The following BNC2 variants were observed in gnomAD, a reference collection of about 807,000 sequenced individuals.
The protein encoded by BNC2 is basonuclin zinc finger protein 2, also known as zinc finger protein basonuclin-2.
In BNC2, 20 loss-of-function variants were observed where a neutral mutation model predicts 76.3. That is an observed-to-expected ratio of 0.26 (90% CI 0.18 to 0.38). The LOEUF is 0.38. Ranked by LOEUF, BNC2 falls within the 10% of genes least tolerant of loss-of-function variation. BNC2 has a pLI of 1.00. For synonymous variants in BNC2, 582 were observed against 514.8 expected (o/e 1.13, Z -1.77); for missense variants, 1,382 against 1,399.8 (o/e 0.99, Z 0.20).
intron 5 of BNC2, among the ~76,000 whole-genome samples, chr9:16,447,832 C>G (rs537796989): frequency 6.4e-4 from 98 of 152,174 alleles, no homozygotes; most frequent in African/African-American, 2.1e-3. Flanking sequence ...AAACAAATAT[C>G]GGTAGTCTTT....
rs959723311 is a variant in BNC2 at position 16,429,649 on chromosome 9, T to C, written c.2639+5906A>G. On this transcript the variant is annotated intron_variant, in intron 6 of 6. Coordinates refer to ENST00000380672, the MANE Select transcript of BNC2 (RefSeq NM_017637.6). The stretch of plus-strand genomic sequence containing the variant: ...ATAAGGAAGGTAAAAATAAGAGTTA[T>C]ATAGAAGCATTGTATTTGTGCAACA... 7.2e-5 allele frequency: 18 copies of C among 248,970 alleles called. No individual in the cohort carries two copies. In the East Asian group the frequency reaches 1.5e-3, roughly 20 times the overall value. The allele number at this position is 248,970 out of a possible 1,614,324, so 15.4% of individuals were successfully genotyped here.
intron 1 of BNC2, among the ~76,000 whole-genome samples, chr9:16,855,483 C>A (rs1200253686): frequency 6.6e-6 from 1 of 152,234 alleles, no homozygotes; most frequent in Non-Finnish European, 1.5e-5. Flanking sequence ...TTAGAAGTCC[C>A]ATGCCTACGC....
intron 3 of BNC2, among the ~76,000 whole-genome samples, chr9:16,705,644 A>C (rs1823646248): frequency 1.4e-5 from 2 of 138,572 alleles, no homozygotes; most frequent in South Asian, 2.3e-4. Flanking sequence ...GTTGTATGAT[A>C]GTGTGGCTTG....
Position 16,773,580 on chromosome 9 carries a change from TA to T in BNC2, c.4-35096del, listed in dbSNP as rs553151304. 3.8e-4 allele frequency among the ~76,000 whole-genome samples: 57 copies of T among 151,228 alleles called. 2 individuals carry two copies. In the East Asian group the frequency reaches 0.011, roughly 29 times the overall value. ...TTTTAAAATGGTCCAAAAGACTTCC[TA>T]AAAAGATGTGAAATTCCAACTCACA... On this transcript the variant is annotated intron_variant, in intron 1 of 6. Coordinates refer to ENST00000380672, the MANE Select transcript of BNC2 (RefSeq NM_017637.6).
intron 1 of BNC2, among the ~76,000 whole-genome samples, chr9:16,801,757 G>A (rs1267553958): frequency 2.1e-5 from 3 of 141,064 alleles, no homozygotes; most frequent in African/African-American, 5.5e-5. Context: ...CACACACACA[G>A]AAAAAATAAA....
intron 1 of BNC2, among the ~76,000 whole-genome samples, chr9:16,773,809 C>G (rs967871518): frequency 3.9e-5 from 6 of 152,266 alleles, no homozygotes; most frequent in East Asian, 1.9e-4. Flanking sequence ...TCTACAAAAG[C>G]CTTTTTCCCT....
chr9:16,652,678 C>T (rs916391051), intron 3 of BNC2, among the ~76,000 whole-genome samples: 18 of 152,260 alleles, frequency 1.2e-4, no homozygotes, highest in African/African-American at 4.1e-4. Context: ...ATCAGTGTGC[C>T]TCATATTTTC....
intron 1 of BNC2, among the ~76,000 whole-genome samples, chr9:16,847,650 A>C (rs1819021494): frequency 6.6e-6 from 1 of 152,200 alleles, no homozygotes; most frequent in Non-Finnish European, 1.5e-5. Context: ...AGATATATCA[A>C]GATATCCCCA....
chr9:16,693,748 G>T (rs1374596637), intron 3 of BNC2, among the ~76,000 whole-genome samples: 2 of 152,214 alleles, frequency 1.3e-5, no homozygotes, highest in African/African-American at 4.8e-5. Flanking sequence ...AAGGAAGCCA[G>T]GAAAGGAAAA....
intron 6 of BNC2, among the ~76,000 whole-genome samples, chr9:16,427,785 C>A (rs1177219135): frequency 6.6e-6 from 1 of 152,156 alleles, no homozygotes; most frequent in Non-Finnish European, 1.5e-5. Context: ...ACAGGGTAAA[C>A]AGCATCTTTA....
chr9:16,751,800 C>A lies in BNC2; in HGVS notation c.4-13315G>T, dbSNP rs537000389. Among the ~76,000 whole-genome samples, 5 of 152,016 alleles carry A rather than the reference C, an allele frequency of 3.3e-5. No homozygotes were observed. In the East Asian group the frequency reaches 9.7e-4, roughly 29 times the overall value. On this transcript the variant is annotated intron_variant, in intron 1 of 6. Transcript: ENST00000380672. ...AATCTCAGCACTTTGGAGGCCGAGG[C>A]AGTTTTATCACTTGAGGTCAGGAGT...
chr9:16,440,032 G>C (rs1009061743), intron 5 of BNC2, among the ~76,000 whole-genome samples: 1 of 152,196 alleles, frequency 6.6e-6, no homozygotes, highest in African/African-American at 2.4e-5. Flanking sequence ...TTCACATTCT[G>C]CTTTTGGAAC....
At chr9:16,533,105 AAG>A (rs1395112763) in intron 5 of BNC2, among the ~76,000 whole-genome samples, 1 of 152,242 alleles carries the variant, frequency 6.6e-6, no homozygotes, top group Admixed American at 6.5e-5. Flanking sequence ...AAAGAAGAGA[AAG>A]AGATAATTTT....
intron 5 of BNC2, among the ~76,000 whole-genome samples, chr9:16,487,647 A>T (rs1051072203): frequency 2.6e-5 from 4 of 152,228 alleles, no homozygotes; most frequent in Non-Finnish European, 5.9e-5. Flanking sequence ...CCTATGAGAA[A>T]AAAGTGACAA....
chr9:16,468,038 C>CTTT (rs1414982362), intron 5 of BNC2, among the ~76,000 whole-genome samples: 5 of 146,178 alleles, frequency 3.4e-5, no homozygotes, highest in African/African-American at 1.0e-4. Flanking sequence ...TTCTTTCTTT[C>CTTT]TCTTTTTTTT....
rs183512236 is a variant in BNC2, at chr9:16,810,578, C to T, written c.3+60068G>A. On this transcript the variant is annotated intron_variant, in intron 1 of 6. Transcript: ENST00000380672. ...GGCAAGCAGACCCTGCAGCCAAATCCCAAGCACTGCTTCTCAAACTGCAGG... is the reference window on the plus strand; with the variant it reads ...GGCAAGCAGACCCTGCAGCCAAATCTCAAGCACTGCTTCTCAAACTGCAGG... Among the ~76,000 whole-genome samples the T allele has an allele frequency of 2.0e-5, 3 of 152,332 alleles. No homozygotes were observed. The East Asian group carries it at 5.8e-4, about 29-fold the overall frequency.
chr9:16,789,736 G>A (rs967021546), intron 1 of BNC2, among the ~76,000 whole-genome samples: 3 of 152,132 alleles, frequency 2.0e-5, no homozygotes, highest in Non-Finnish European at 4.4e-5. Flanking sequence ...TAATGGTCTT[G>A]TCTCTCACCA....
At chr9:16,841,419 A>G (rs1277266728) in intron 1 of BNC2, among the ~76,000 whole-genome samples, 2 of 152,222 alleles carry the variant, frequency 1.3e-5, no homozygotes, top group Non-Finnish European at 2.9e-5. Flanking sequence ...AAATACTTAG[A>G]AAACATTTGT....
intron 5 of BNC2, among the ~76,000 whole-genome samples, chr9:16,467,673 G>A (rs1453388870): frequency 7.0e-6 from 1 of 142,760 alleles, no homozygotes; most frequent in Non-Finnish European, 1.5e-5. Flanking sequence ...CACACTCTGG[G>A]GACTGTGGTG....
Sources: gnomAD v4.1 joint callset for allele counts (sites outside exome capture counted in the v4.1 genomes callset) on GRCh38, gnomAD v4.1.1 for gene constraint, MANE v1.5 for transcripts, NCBI Gene and HGNC (gene_info 2026-07-23, HGNC 2026-07-21) for gene names.